The following SLC11A2 variants were observed in gnomAD, a reference collection of about 807,000 sequenced individuals.
The protein encoded by SLC11A2 is solute carrier family 11 member 2, also known as natural resistance-associated macrophage protein 2.
A neutral mutation model predicts 68.0 loss-of-function variants in SLC11A2; 38 were observed. The observed-to-expected ratio is 0.56, with a 90% CI of 0.43 to 0.73. The LOEUF is 0.73. Among genes scored for constraint, SLC11A2 ranks in the 30% least tolerant of loss-of-function variants. SLC11A2 has a pLI of 0.00. For missense variants in SLC11A2, 517 were observed against 690.5 expected (o/e 0.75, Z 2.82); for synonymous variants, 242 against 250.6 (o/e 0.97, Z 0.32).
chr12:51,025,936 G>C, intron 1 of SLC11A2: 4 of 999,052 alleles, frequency 4.0e-6, no homozygotes, highest in Non-Finnish European at 4.8e-6. Flanking sequence ...CTTGCCCTGT[G>C]CCCGTCGGCC....
In SLC11A2 at chr12:50,986,324, T is replaced by C; in HGVS notation, c.*2001A>G. On this transcript the variant is annotated 3_prime_UTR_variant, in exon 16 of 16. Coordinates refer to ENST00000262052, the MANE Select transcript of SLC11A2 (RefSeq NM_000617.3). ...ATTGCACCCAGAGTACTGGTTAAAA[T>C]GCACTTTCTGTGAAGATCAAATGCA... 1.6e-6 allele frequency: 2 copies of C among 1,286,140 alleles called. No individual in the cohort carries two copies. Among genetic ancestry groups the C allele is most frequent in the Non-Finnish European group, 2.0e-6 (2 of 987,654 alleles). 79.7% of individuals were successfully genotyped at this position (1,286,140 alleles called of 1,614,324 possible).
At chr12:50,969,513 A>G in the SLC11A2 span, among the ~76,000 whole-genome samples, 1 of 152,036 alleles carries the variant, frequency 6.6e-6, no homozygotes, top group Admixed American at 6.5e-5. Context: ...CGGCCTGGCC[A>G]ACATGGCGAA....
chr12:51,005,008 C>T, intron 4 of SLC11A2, 101 bp from the exon 5 acceptor site: 1 of 1,344,124 alleles, frequency 7.4e-7, no homozygotes, highest in Non-Finnish European at 1.0e-6. Context: ...ATACTGCATT[C>T]AGAAAAGAGC....
upstream of SLC11A2, among the ~76,000 whole-genome samples, chr12:51,027,256 T>C (rs575282434): frequency 3.3e-4 from 50 of 151,342 alleles, no homozygotes; most frequent in African/African-American, 1.1e-3. Context: ...GGAGAATCAC[T>C]TGGGCCTGGG....
chr12:51,010,753 C>G lies in SLC11A2; in HGVS notation c.-25G>C, dbSNP rs756404158. 2 of 1,600,354 alleles carry G rather than the reference C, an allele frequency of 1.2e-6. No individual in the cohort carries two copies. Among genetic ancestry groups the G allele is most frequent in the East Asian group, 2.2e-5 (1 of 44,770 alleles). On this transcript the variant is annotated 5_prime_UTR_variant, in exon 2 of 16. Coordinates refer to ENST00000262052, the MANE Select transcript of SLC11A2 (RefSeq NM_000617.3). ...TGGTGGATACCTGAGTGGCTGAGTTCTTAGAATATGATTCTGGAAAGGAGA... is the reference window on the plus strand; with the variant it reads ...TGGTGGATACCTGAGTGGCTGAGTTGTTAGAATATGATTCTGGAAAGGAGA...
At chr12:51,011,746 A>G (rs1051477021) in intron 1 of SLC11A2, among the ~76,000 whole-genome samples, 1 of 151,696 alleles carries the variant, frequency 6.6e-6, no homozygotes, top group East Asian at 1.9e-4. Context: ...TATTTTTAGT[A>G]GAGACACGGT....
At chr12:51,018,604 C>T (rs1943828908) in intron 1 of SLC11A2, among the ~76,000 whole-genome samples, 1 of 151,948 alleles carries the variant, frequency 6.6e-6, no homozygotes, top group South Asian at 2.1e-4. Context: ...CAGGGCAAAA[C>T]CCCATCCCTA....
chr12:50,966,859 C>T, the SLC11A2 span, among the ~76,000 whole-genome samples: 25 of 152,184 alleles, frequency 1.6e-4, no homozygotes, highest in African/African-American at 5.5e-4. Context: ...TTGTGATGAG[C>T]CACTCACAGG....
At chr12:50,984,422 T>C (rs992908026), downstream of SLC11A2, among the ~76,000 whole-genome samples, 2 of 152,226 alleles carry the variant, frequency 1.3e-5, no homozygotes, top group Non-Finnish European at 2.9e-5. Flanking sequence ...GACAATTCAT[T>C]GAAGCCTTTC....
chr12:50,958,492 AG>A, the SLC11A2 span, among the ~76,000 whole-genome samples: 1 of 150,726 alleles, frequency 6.6e-6, no homozygotes, highest in Non-Finnish European at 1.5e-5. Context: ...TGTGTTAGCC[AG>A]GATGGTCTTC....
At chr12:50,969,113 G>A in the SLC11A2 span, among the ~76,000 whole-genome samples, 9 of 151,414 alleles carry the variant, frequency 5.9e-5, no homozygotes, top group East Asian at 6.0e-4. Flanking sequence ...TGGCCTACAT[G>A]GTGAAACCCC....
At chr12:50,997,439 C>G (rs1053259659) in intron 8 of SLC11A2, among the ~76,000 whole-genome samples, 1 of 152,094 alleles carries the variant, frequency 6.6e-6, no homozygotes, top group Non-Finnish European at 1.5e-5. Flanking sequence ...CGGTGGCTCA[C>G]GCCTATAATC....
intron 1 of SLC11A2, chr12:51,025,592 A>C: frequency 3.6e-6 from 1 of 274,978 alleles, no homozygotes; most frequent in Non-Finnish European, 5.5e-6. Flanking sequence ...TGCTTTTGCA[A>C]GAGATGTCAC....
intron 15 of SLC11A2, among the ~76,000 whole-genome samples, chr12:50,989,265 G>A (rs1940907593): frequency 6.6e-6 from 1 of 152,152 alleles, no homozygotes; most frequent in South Asian, 2.1e-4. Context: ...TGAGGCAGGT[G>A]GATCACCTGA....
chr12:50,973,321 T>C, the SLC11A2 span, among the ~76,000 whole-genome samples: 2 of 152,232 alleles, frequency 1.3e-5, no homozygotes, highest in East Asian at 3.9e-4. Flanking sequence ...GGCAGCAACA[T>C]TTGCTGTTCA....
At position 51,015,181 on chromosome 12, in the gene SLC11A2, A is replaced by T. The variant is rs527709217; in HGVS notation, c.-38-4415T>A. ...TCTCATTAAAAAAAAAAAAATTAAT[A>T]AAACTAGGGAGGGGCCGGGCGCAGT... On this transcript the variant is annotated intron_variant, in intron 1 of 15. Coordinates refer to ENST00000262052, the MANE Select transcript of SLC11A2 (RefSeq NM_000617.3). 3.5e-5 allele frequency among the ~76,000 whole-genome samples: 5 copies of T among 142,430 alleles called. No individual in the cohort carries two copies. In the South Asian group the frequency reaches 8.8e-4, roughly 25 times the overall value. The allele number at this position is 142,430 out of a possible 152,430, so 93.4% of individuals were successfully genotyped here.
At chr12:50,984,065 G>A (rs1321765749), downstream of SLC11A2, among the ~76,000 whole-genome samples, 1 of 151,906 alleles carries the variant, frequency 6.6e-6, no homozygotes, top group African/African-American at 2.4e-5. Flanking sequence ...GGAGGCAGAG[G>A]TGGCAGTGAG....
chr12:50,964,348 C>T, the SLC11A2 span, among the ~76,000 whole-genome samples: 9 of 152,202 alleles, frequency 5.9e-5, no homozygotes, highest in African/African-American at 2.4e-5. Context: ...GGTGGGGTGA[C>T]CCAAACCTTC....
At chr12:51,008,407 T>C in intron 3 of SLC11A2, 69 bp downstream of exon 3, 1 of 1,374,756 alleles carries the variant, frequency 7.3e-7, no homozygotes, top group African/African-American at 1.4e-5. Context: ...ACTTGAGCCA[T>C]CCAGCAGATC....
Sources: allele counts gnomAD v4.1 joint callset (sites outside exome capture counted in the v4.1 genomes callset), GRCh38; gene constraint gnomAD v4.1.1; transcripts MANE v1.5; gene names NCBI Gene and HGNC (gene_info 2026-07-23, HGNC 2026-07-21).